Variants in NME9 observed in about 807,000 individuals in gnomAD.
The protein encoded by NME9 is NME/NM23 family member 9.
In NME9, 48 loss-of-function variants were observed where a neutral mutation model predicts 44.4. The ratio of observed to expected loss-of-function variants is 1.08; its 90% CI spans 0.86 to 1.37. The LOEUF is 1.37. Among genes scored for constraint, NME9 ranks in the 40% most tolerant of loss-of-function variants. The probability of loss-of-function intolerance (pLI) is 0.00; values close to 1 mark genes in which losing one functional copy is unlikely to be tolerated. For missense variants in NME9, 325 were observed against 405.2 expected, an observed-to-expected ratio of 0.80 and a Z score of 1.70; for synonymous variants, 139 against 147.1, an observed-to-expected ratio of 0.94 and a Z score of 0.40.
At chr3:138,294,254 A>G (rs543106606) in intron 8 of NME9, among the ~76,000 whole-genome samples, 2 of 152,310 alleles carry the variant, frequency 1.3e-5, no homozygotes, top group South Asian at 4.1e-4. Flanking sequence ...TGACTTTCAG[A>G]TGCTTACAGA....
chr3:138,326,582 C>A (rs936070224), intron 1 of NME9, among the ~76,000 whole-genome samples: 21 of 151,776 alleles, frequency 1.4e-4, no homozygotes, highest in African/African-American at 4.8e-4. Flanking sequence ...TACAAGTGCC[C>A]GCTACCACAC....
intron 5 of NME9, 93 bp from the exon 6 acceptor site, chr3:138,314,500 C>CAGACTCAGATTTTA: frequency 1.3e-6 from 1 of 753,250 alleles, no homozygotes. Context: ...AAAAGCAAAG[C>CAGACTCAGATTTTA]TCCAAAACAC....
chr3:138,321,496 T>A (rs769605306), intron 2 of NME9, among the ~76,000 whole-genome samples: 25 of 152,226 alleles, frequency 1.6e-4, no homozygotes, highest in Non-Finnish European at 3.4e-4. Flanking sequence ...ACCATTACTT[T>A]GGCCATTCAG....
chr3:138,273,214 G>A (rs1188388007), intron 8 of NME9: 1 of 1,258,190 alleles, frequency 7.9e-7, no homozygotes, highest in East Asian at 2.5e-5. Flanking sequence ...CTGCCCATGA[G>A]TGTGATTCAA....
chr3:138,275,168 C>T (rs76903650), intron 8 of NME9, among the ~76,000 whole-genome samples: 1,565 of 152,250 alleles, frequency 0.01, 25 homozygotes, highest in African/African-American at 0.036. Context: ...ACAAAAGTCA[C>T]CTGCAAACTT....
intron 1 of NME9, among the ~76,000 whole-genome samples, chr3:138,326,165 C>T (rs1042587715): frequency 3.3e-5 from 5 of 152,170 alleles, no homozygotes; most frequent in Admixed American, 3.3e-4. Context: ...TGATTGGATT[C>T]AGACTGTGCA....
intron 9 of NME9, 63 bp downstream of exon 9, chr3:138,304,810 G>T: frequency 1.3e-6 from 2 of 1,502,738 alleles, no homozygotes; most frequent in Non-Finnish European, 1.8e-6. Context: ...ACACTGAGTG[G>T]GACTCAGCCT....
At chr3:138,308,257 A>G (rs2052423851) in intron 6 of NME9, among the ~76,000 whole-genome samples, 1 of 152,164 alleles carries the variant, frequency 6.6e-6, no homozygotes, top group Non-Finnish European at 1.5e-5. Context: ...CAACTCAAAC[A>G]ATTCTTATTC....
At chr3:138,322,737 T>C (rs6439802) in intron 2 of NME9, among the ~76,000 whole-genome samples, 17,710 of 152,120 alleles carry the variant, frequency 0.12, 3,401 homozygotes, top group African/African-American at 0.4. Context: ...AGAGGAGGCC[T>C]TGCTGCCTTC....
chr3:138,295,248 G>A (rs1004222398), intron 8 of NME9, among the ~76,000 whole-genome samples: 1 of 151,974 alleles, frequency 6.6e-6, no homozygotes, highest in African/African-American at 2.4e-5. Context: ...CCCCATCACC[G>A]TAACAACACA....
chr3:138,306,010 A>T lies in NME9; in HGVS notation c.630T>A (p.Ala210=). ...AEVRLFYQHK[A]GEEAFEKLVH... ...TGGAAGTAGATGAGCTGACCTCTCC[A>T]GCTTTGTGTTGGTAGAAAAGTCGCA... Residue 210 remains alanine (A), a synonymous_variant, in exon 8 of 11, where the codon GCT becomes GCA. Coordinates refer to ENST00000333911, the MANE Select transcript of NME9 (RefSeq NM_001349018.2). 1.2e-6 allele frequency: 2 copies of T among 1,608,754 alleles called. No individual in the cohort carries two copies. Among genetic ancestry groups the T allele is most frequent in the Non-Finnish European group, 1.7e-6 (2 of 1,175,072 alleles).
intron 10 of NME9, among the ~76,000 whole-genome samples, chr3:138,302,515 A>G (rs577044454): frequency 2.6e-5 from 4 of 152,268 alleles, no homozygotes; most frequent in Admixed American, 2.6e-4. Context: ...TCCCAGAGGA[A>G]AGCTGGCCTG....
intron 8 of NME9, chr3:138,289,162 A>G (rs778388163): frequency 6.6e-7 from 1 of 1,512,720 alleles, no homozygotes; most frequent in Non-Finnish European, 9.1e-7. Context: ...AATTATGGGA[A>G]GAGTGTCTTG....
intron 8 of NME9, among the ~76,000 whole-genome samples, chr3:138,264,926 CTCACTGTG>C (rs2048129525): frequency 1.3e-5 from 2 of 150,262 alleles, no homozygotes; most frequent in East Asian, 2.0e-4. Context: ...GACACAGGGT[CTCACTGTG>C]TCACACAGGC....
chr3:138,280,638 C>T (rs1005641786), intron 8 of NME9, among the ~76,000 whole-genome samples: 14 of 151,784 alleles, frequency 9.2e-5, no homozygotes, highest in African/African-American at 2.4e-4. Context: ...GGATTATAGG[C>T]GCCTGCCACC....
chr3:138,291,616 A>G (rs186171909), intron 8 of NME9, among the ~76,000 whole-genome samples: 1 of 152,244 alleles, frequency 6.6e-6, no homozygotes, highest in Non-Finnish European at 1.5e-5. Context: ...GAGAGGTACC[A>G]TGAAGAAAAA....
chr3:138,285,520 G>T (rs1009763570), intron 8 of NME9, among the ~76,000 whole-genome samples: 1 of 152,118 alleles, frequency 6.6e-6, no homozygotes, highest in Admixed American at 6.5e-5. Context: ...TGGCTTCTCT[G>T]CCTGGAACAC....
At chr3:138,304,360 C>T (rs977734082) in intron 9 of NME9, among the ~76,000 whole-genome samples, 1 of 152,210 alleles carries the variant, frequency 6.6e-6, no homozygotes, top group African/African-American at 2.4e-5. Flanking sequence ...GGATTGCTGG[C>T]GCCAAGCTAA....
chr3:138,265,632 C>T (rs1052422850), intron 8 of NME9, among the ~76,000 whole-genome samples: 18 of 152,122 alleles, frequency 1.2e-4, no homozygotes, highest in Admixed American at 2.6e-4. Flanking sequence ...AAGAGGAAAA[C>T]AGGAGGATTT....
Sources: allele counts gnomAD v4.1 joint callset (sites outside exome capture counted in the v4.1 genomes callset), GRCh38; gene constraint gnomAD v4.1.1; transcripts MANE v1.5; gene names NCBI Gene and HGNC (gene_info 2026-07-23, HGNC 2026-07-21).